Variants in DNAAF4 observed in about 807,000 individuals in gnomAD.
The protein encoded by DNAAF4 is dynein assembly factor 4, axonemal.
DNAAF4 carries 43 observed loss-of-function variants against 51.8 expected under a neutral mutation model. That is an observed-to-expected ratio of 0.83 (90% CI 0.65 to 1.07). The LOEUF is 1.07. DNAAF4 is among the 50% of genes least tolerant of loss of function. The pLI is 0.00. For synonymous variants in DNAAF4, 194 were observed against 165.6 expected, an observed-to-expected ratio of 1.17 and a Z score of -1.32; for missense variants, 581 against 493.0, an observed-to-expected ratio of 1.18 and a Z score of -1.69.
At chr15:55,432,735 C>T in intron 8 of DNAAF4, 133 bp from the exon 9 acceptor site, 2 of 655,128 alleles carry the variant, frequency 3.1e-6, no homozygotes, top group South Asian at 5.2e-5. Flanking sequence ...CACCTGAAGT[C>T]AGGATTTTGA....
intron 5 of DNAAF4, among the ~76,000 whole-genome samples, chr15:55,463,212 A>AC (rs55837637): frequency 4.6e-4 from 70 of 151,412 alleles, no homozygotes; most frequent in African/African-American, 1.2e-3. Flanking sequence ...ACACACACAC[A>AC]AAGCATTTGA....
chr15:55,426,115 C>G (rs186577388), downstream of DNAAF4, among the ~76,000 whole-genome samples: 1 of 152,166 alleles, frequency 6.6e-6, no homozygotes, highest in African/African-American at 2.4e-5. Context: ...GGAATTGAAG[C>G]TGTCCTCTTA....
intron 7 of DNAAF4, among the ~76,000 whole-genome samples, chr15:55,424,900 T>C (rs1326530287): frequency 1.3e-5 from 2 of 150,464 alleles, no homozygotes; most frequent in South Asian, 2.1e-4. Flanking sequence ...TTTGCTCTTG[T>C]TGCCCAGGCT....
At chr15:55,442,895 C>G (rs2057736893) in intron 6 of DNAAF4, 1 of 1,612,132 alleles carries the variant, frequency 6.2e-7, no homozygotes, top group Non-Finnish European at 8.5e-7. Flanking sequence ...GCAATGGCAC[C>G]TCCATGAATC....
intron 5 of DNAAF4, among the ~76,000 whole-genome samples, chr15:55,457,112 G>A (rs2058031669): frequency 6.6e-6 from 1 of 152,208 alleles, no homozygotes; most frequent in Admixed American, 6.5e-5. Flanking sequence ...GGACTGGTGA[G>A]GCCTAACAGC....
intron 7 of DNAAF4, among the ~76,000 whole-genome samples, chr15:55,421,221 C>G (rs2057385730): frequency 6.6e-6 from 1 of 150,812 alleles, no homozygotes; most frequent in African/African-American, 2.4e-5. Context: ...CAGGATACTC[C>G]AGGCACAGTG....
intron 7 of DNAAF4, among the ~76,000 whole-genome samples, chr15:55,420,907 G>A (rs2057382678): frequency 6.6e-6 from 1 of 152,080 alleles, no homozygotes; most frequent in East Asian, 1.9e-4. Flanking sequence ...TCTCAGGATT[G>A]GCCGGGCACG....
At chr15:55,444,809 T>C (rs1408029269) in intron 6 of DNAAF4, among the ~76,000 whole-genome samples, 2 of 152,170 alleles carry the variant, frequency 1.3e-5, no homozygotes, top group Admixed American at 6.6e-5. Context: ...TTTGAAGCAA[T>C]TGTGAATGGG....
At chr15:55,453,533 G>GA (rs1319160263) in intron 5 of DNAAF4, among the ~76,000 whole-genome samples, 26 of 127,388 alleles carry the variant, frequency 2.0e-4, no homozygotes, top group South Asian at 1.0e-3. Flanking sequence ...AGAGAGGTGT[G>GA]AAAAAAAAAC....
intron 3 of DNAAF4, among the ~76,000 whole-genome samples, chr15:55,494,406 G>A (rs562479913): frequency 1.1e-3 from 165 of 151,928 alleles, no homozygotes; most frequent in African/African-American, 3.7e-3. Flanking sequence ...ATAAATTAGT[G>A]GTTTTTTATT....
At chr15:55,450,909 C>T (rs143955264) in intron 5 of DNAAF4, among the ~76,000 whole-genome samples, 20 of 152,246 alleles carry the variant, frequency 1.3e-4, no homozygotes, top group African/African-American at 4.6e-4. Context: ...ACCAGCCTGG[C>T]CAACATGATG....
rs2058177442 is a variant in DNAAF4 at position 55,466,823 on chromosome 15, T to C, written c.637+107A>G. On this transcript the variant is annotated intron_variant, in intron 5 of 9. Coordinates refer to ENST00000321149, the MANE Select transcript of DNAAF4 (RefSeq NM_130810.4). Reference sequence around the variant, plus strand: ...TGTACTGAATTGCTTATTCTCAATGTGCCAAAACAGTAACCTAATGCTGTG... The same window carrying C: ...TGTACTGAATTGCTTATTCTCAATGCGCCAAAACAGTAACCTAATGCTGTG... The C allele has an allele frequency of 2.3e-5, 32 of 1,384,104 alleles. 1 individual carries two copies. The South Asian group carries it at 4.4e-4, about 19-fold the overall frequency. The allele number at this position is 1,384,104 out of a possible 1,614,324, so 85.7% of individuals were successfully genotyped here.
At chr15:55,435,529 G>A (rs925882792) in intron 7 of DNAAF4, among the ~76,000 whole-genome samples, 2 of 152,172 alleles carry the variant, frequency 1.3e-5, no homozygotes, top group Admixed American at 1.3e-4. Context: ...ATGGAAATAT[G>A]AAAGGAATAA....
intron 3 of DNAAF4, among the ~76,000 whole-genome samples, chr15:55,497,113 C>T (rs1309169757): frequency 6.6e-6 from 1 of 152,150 alleles, no homozygotes; most frequent in Non-Finnish European, 1.5e-5. Context: ...ACATCCCCTC[C>T]CCCTTCCCCT....
chr15:55,472,918 C>T (rs967417726), intron 4 of DNAAF4, among the ~76,000 whole-genome samples: 1 of 151,960 alleles, frequency 6.6e-6, no homozygotes, highest in African/African-American at 2.4e-5. Flanking sequence ...GTAAACCCAA[C>T]ACTTTGGGAA....
intron 4 of DNAAF4, among the ~76,000 whole-genome samples, chr15:55,484,280 G>A (rs772185501): frequency 1.1e-4 from 17 of 151,966 alleles, no homozygotes; most frequent in African/African-American, 4.1e-4. Context: ...TCAGGAGATC[G>A]AGATCATCCT....
chr15:55,452,377 CA>C lies in DNAAF4; in HGVS notation c.638-2011del, dbSNP rs1220621002. Among the ~76,000 whole-genome samples, 11 of 150,538 alleles carry C rather than the reference CA, an allele frequency of 7.3e-5. No homozygotes were observed. In the Admixed American group the frequency reaches 7.3e-4, roughly 10 times the overall value. On this transcript the variant is annotated intron_variant, in intron 5 of 9. Coordinates refer to ENST00000321149, the MANE Select transcript of DNAAF4 (RefSeq NM_130810.4). ...AATGATTAATACGATATAGAACATG[CA>C]GGAAATCATCACTATTATCCCATGA...
At chr15:55,473,961 C>T (rs1309755901) in intron 4 of DNAAF4, among the ~76,000 whole-genome samples, 1 of 151,952 alleles carries the variant, frequency 6.6e-6, no homozygotes, top group Non-Finnish European at 1.5e-5. Context: ...CACTACACTC[C>T]AGCCTGGGTC....
In DNAAF4 at chr15:55,497,755, A is replaced by G. The variant is rs979569717; in HGVS notation, c.228T>C (p.Tyr76=). ...IGNDTIVFTL[Y]KKEAAMWETL... The stretch of plus-strand genomic sequence containing the variant: ...TCTCCCACATGGCCGCTTCTTTTTT[A>G]TACAAGGTGAAGACAATGGTGTCAT... The change falls in exon 3 of 10, where the codon TAT becomes TAC. Residue 76 remains tyrosine, a synonymous_variant. Coordinates refer to ENST00000321149, the MANE Select transcript of DNAAF4 (RefSeq NM_130810.4). 1 of 1,597,234 alleles carries G rather than the reference A, an allele frequency of 6.3e-7. No individual in the cohort carries two copies. Among genetic ancestry groups the G allele is most frequent in the Admixed American group, 1.7e-5 (1 of 59,434 alleles).
Sources: allele counts gnomAD v4.1 joint callset (sites outside exome capture counted in the v4.1 genomes callset), GRCh38; gene constraint gnomAD v4.1.1; transcripts MANE v1.5; gene names NCBI Gene and HGNC (gene_info 2026-07-23, HGNC 2026-07-21).